LRRC66: variants seen among roughly 807,000 people sequenced by gnomAD.
LRRC66 encodes leucine rich repeat containing 66.
Under a neutral mutation model 24.6 loss-of-function variants are expected in LRRC66, and 29 were observed. The observed-to-expected ratio is 1.18, with a 90% CI of 0.88 to 1.61. LRRC66 has a LOEUF of 1.61. Among genes scored for constraint, LRRC66 ranks in the 40% most tolerant of loss-of-function variants. The probability of loss-of-function intolerance (pLI) is 0.00; values close to 1 mark genes in which losing one functional copy is unlikely to be tolerated. For synonymous variants in LRRC66, 411 were observed against 397.6 expected (o/e 1.03, Z -0.40); for missense variants, 1,124 against 1,058.0 (o/e 1.06, Z -0.87).
chr4:52,002,953 G>C (rs1713444383), intron 3 of LRRC66, among the ~76,000 whole-genome samples: 1 of 152,230 alleles, frequency 6.6e-6, no homozygotes, highest in Admixed American at 6.5e-5. Context: ...AAATCTTGGA[G>C]TTGGATATAA....
At chr4:52,003,972 G>A (rs1016637104) in intron 2 of LRRC66, among the ~76,000 whole-genome samples, 1 of 151,990 alleles carries the variant, frequency 6.6e-6, no homozygotes, top group African/African-American at 2.4e-5. Context: ...TTATCTACAT[G>A]GATGAGTTCT....
intron 2 of LRRC66, among the ~76,000 whole-genome samples, chr4:52,008,908 T>C (rs1736642079): frequency 6.6e-6 from 1 of 152,110 alleles, no homozygotes; most frequent in Admixed American, 6.6e-5. Context: ...GAAGCAAAGA[T>C]AGTAAAAACA....
Position 51,994,049 on chromosome 4 carries a change from C to T in LRRC66, c.*330G>A. 1 of 230,584 alleles carries T rather than the reference C, an allele frequency of 4.3e-6. No individual in the cohort carries two copies. Among genetic ancestry groups the T allele is most frequent in the Non-Finnish European group, 8.4e-6 (1 of 118,600 alleles). The allele number at this position is 230,584 out of a possible 1,614,324, so 14.3% of individuals were successfully genotyped here. A position where few individuals can be genotyped will look rare whatever the true frequency, so the allele number is the denominator to read the frequency against. The stretch of plus-strand genomic sequence containing the variant: ...ACCCCAACCTATTGATGAAGTGCTC[C>T]TGTGTTCTCAGTGAACTGGTTTTGT... On this transcript the variant is annotated 3_prime_UTR_variant, in exon 5 of 5. Transcript: ENST00000682860.
At chr4:52,002,973 G>GA (rs1736490264) in intron 3 of LRRC66, among the ~76,000 whole-genome samples, 1 of 152,180 alleles carries the variant, frequency 6.6e-6, no homozygotes, top group African/African-American at 2.4e-5. Context: ...ACTTGATTTA[G>GA]AAAAATAATG....
Position 51,994,308 on chromosome 4 carries a change from T to TA in LRRC66, c.*70dup. On this transcript the variant is annotated 3_prime_UTR_variant, in exon 5 of 5. Transcript: ENST00000682860. ...CTTCAGGATCTTGTTGTGAAGGCTT[T>TA]AGTTTTCCCCTGCCATGATCTTTAA... The TA allele has an allele frequency of 7.2e-7, 1 of 1,381,470 alleles. No individual in the cohort carries two copies. The highest frequency in any genetic ancestry group is 2.4e-5 in the East Asian group (1 of 42,238). The allele number at this position is 1,381,470 out of a possible 1,614,324, so 85.6% of individuals were successfully genotyped here.
chr4:52,011,936 G>A (rs711348), intron 2 of LRRC66, among the ~76,000 whole-genome samples: 18,037 of 152,172 alleles, frequency 0.12, 1,258 homozygotes, highest in Middle Eastern at 0.21. Context: ...TGTAATCCCA[G>A]CACTTTGGGA....
intron 3 of LRRC66, among the ~76,000 whole-genome samples, chr4:52,001,210 G>C (rs1310843458): frequency 6.6e-6 from 1 of 152,198 alleles, no homozygotes; most frequent in African/African-American, 2.4e-5. Context: ...AAACGGAAAT[G>C]TATAGCATGT....
At chr4:52,002,180 G>T (rs761789734) in intron 3 of LRRC66, among the ~76,000 whole-genome samples, 1 of 152,196 alleles carries the variant, frequency 6.6e-6, no homozygotes, top group Non-Finnish European at 1.5e-5. Context: ...TTTCTATATT[G>T]ATGATGTGTA....
At chr4:52,007,534 A>G (rs1160327552) in intron 2 of LRRC66, among the ~76,000 whole-genome samples, 1 of 134,800 alleles carries the variant, frequency 7.4e-6, no homozygotes, top group Admixed American at 6.8e-5. Flanking sequence ...TAAGGCCTCC[A>G]TGCTTGTTAC....
chr4:51,995,917 C>T lies in LRRC66; in HGVS notation c.1105G>A (p.Glu369Lys), dbSNP rs759313291. 1.7e-5 allele frequency: 28 copies of T among 1,613,950 alleles called. No individual in the cohort carries two copies. The highest frequency in any genetic ancestry group is 2.2e-5 in the Non-Finnish European group (26 of 1,179,990). The change falls in exon 5 of 5, where the codon GAG becomes AAG. Residue 369 changes from glutamate to lysine, a missense_variant. By Grantham distance (56) the Glu-to-Lys change is moderately conservative. Transcript: ENST00000682860. ...AGAGCCAGGTCCTGGGGAGCGTCCTCTTTTTTGCCGGCAGCCTGCACATCG... is the reference window on the plus strand; with the variant it reads ...AGAGCCAGGTCCTGGGGAGCGTCCTTTTTTTTGCCGGCAGCCTGCACATCG... The part of the protein sequence containing the change: ...TRDVQAAGKK[E>K]DAPQDLALAV...
Position 51,995,917 on chromosome 4 carries a change from C to G in LRRC66, c.1105G>C (p.Glu369Gln). ...TRDVQAAGKK[E>Q]DAPQDLALAV... Reference sequence around the variant, plus strand: ...AGAGCCAGGTCCTGGGGAGCGTCCTCTTTTTTGCCGGCAGCCTGCACATCG... The same window carrying G: ...AGAGCCAGGTCCTGGGGAGCGTCCTGTTTTTTGCCGGCAGCCTGCACATCG... Residue 369 changes from glutamate (E) to glutamine (Q), a missense_variant, in exon 5 of 5, where the codon GAG (glutamate) becomes CAG (glutamine). Transcript: ENST00000682860. 2.5e-6 allele frequency: 4 copies of G among 1,614,068 alleles called. No homozygotes were observed. The highest frequency in any genetic ancestry group is 2.5e-6 in the Non-Finnish European group (3 of 1,179,982).
intron 2 of LRRC66, among the ~76,000 whole-genome samples, chr4:52,008,198 C>A (rs759767993): frequency 7.2e-5 from 11 of 152,128 alleles, no homozygotes; most frequent in South Asian, 2.1e-4. Context: ...GGTCATGATA[C>A]CTAGCTGGCC....
Position 51,995,582 on chromosome 4 carries a change from C to A in LRRC66, c.1440G>T (p.Lys480Asn). 6.2e-7 allele frequency: 1 copy of A among 1,614,162 alleles called. No individual in the cohort carries two copies. Among genetic ancestry groups the A allele is most frequent in the Non-Finnish European group, 8.5e-7 (1 of 1,180,028 alleles). ...IPDRTLGRSR[K>N]DPGSSQSPGQ... ...CTGGGCTCTGCGAACTGCCAGGATC[C>A]TTTCTGCTCCTTCCCAGAGTTCTAT... The change falls in exon 5 of 5, where the codon AAG (lysine) becomes AAT (asparagine). Residue 480 changes from lysine to asparagine, a missense_variant. By Grantham distance (94) the Lys-to-Asn change is moderately conservative. Coordinates refer to ENST00000682860, the MANE Select transcript of LRRC66 (RefSeq NM_001024611.3).
intron 3 of LRRC66, 82 bp from the exon 4 acceptor site, chr4:51,998,019 G>T: frequency 1.7e-6 from 2 of 1,202,114 alleles, no homozygotes; most frequent in South Asian, 2.8e-5. Context: ...GAAAACTACT[G>T]TTTATGTCTC....
chr4:51,994,314 T>C lies in LRRC66; in HGVS notation c.*65A>G. 2 of 1,427,036 alleles carry C rather than the reference T, an allele frequency of 1.4e-6. No homozygotes were observed. Among genetic ancestry groups the C allele is most frequent in the Non-Finnish European group, 1.9e-6 (2 of 1,058,008 alleles). 88.4% of individuals were successfully genotyped at this position (1,427,036 alleles called of 1,614,324 possible). A position where few individuals can be genotyped will look rare whatever the true frequency, so the allele number is the denominator to read the frequency against. On this transcript the variant is annotated 3_prime_UTR_variant, in exon 5 of 5. Coordinates refer to ENST00000682860, the MANE Select transcript of LRRC66 (RefSeq NM_001024611.3). The stretch of plus-strand genomic sequence containing the variant: ...GATCTTGTTGTGAAGGCTTTAGTTT[T>C]CCCCTGCCATGATCTTTAAAAGAAT...
At chr4:52,006,726 A>G (rs919263694) in intron 2 of LRRC66, among the ~76,000 whole-genome samples, 2 of 10,372 alleles carry the variant, frequency 1.9e-4, no homozygotes, top group Non-Finnish European at 3.4e-4. Flanking sequence ...TAATAATAAT[A>G]AAGAAAAAAA....
intron 3 of LRRC66, among the ~76,000 whole-genome samples, chr4:52,002,534 G>C (rs184613240): frequency 1.8e-3 from 276 of 152,276 alleles, no homozygotes; most frequent in African/African-American, 6.3e-3. Flanking sequence ...ACCTGGAACA[G>C]GGCTTCAGGA....
chr4:52,020,161 C>T (rs191755189), intron 1 of LRRC66, among the ~76,000 whole-genome samples, 143 bp downstream of exon 1: 3 of 150,044 alleles, frequency 2.0e-5, no homozygotes, highest in African/African-American at 4.9e-5. Context: ...GAAGGCAGCA[C>T]AAAAAAACAA....
intron 2 of LRRC66, among the ~76,000 whole-genome samples, chr4:52,014,420 C>T (rs1736767576): frequency 6.6e-6 from 1 of 152,176 alleles, no homozygotes; most frequent in Non-Finnish European, 1.5e-5. Context: ...TATATTGTGA[C>T]AGTTTATTAT....
Sources: allele counts gnomAD v4.1 joint callset (sites outside exome capture counted in the v4.1 genomes callset), GRCh38; gene constraint gnomAD v4.1.1; transcripts MANE v1.5; gene names NCBI Gene and HGNC (gene_info 2026-07-23, HGNC 2026-07-21).